Variants in SCAPER observed in about 807,000 individuals in gnomAD.
The protein encoded by SCAPER is S phase cyclin A-associated protein in the endoplasmic reticulum.
In SCAPER, 98 loss-of-function variants were observed where a neutral mutation model predicts 182.2. The ratio of observed to expected loss-of-function variants is 0.54; its 90% CI spans 0.46 to 0.64. The LOEUF (loss-of-function observed/expected upper bound fraction) is 0.64, where lower values mean the gene tolerates loss of function less well. Among genes scored for constraint, SCAPER ranks in the 30% least tolerant of loss-of-function variants. The pLI is 0.00. For missense variants in SCAPER, 1,432 were observed against 1,690.0 expected, an observed-to-expected ratio of 0.85 and a Z score of 2.68; for synonymous variants, 605 against 564.6, an observed-to-expected ratio of 1.07 and a Z score of -1.01.
At chr15:76,765,494 G>C (rs1354719206) in intron 12 of SCAPER, 40 bp from the exon 13 acceptor site, 22 of 1,608,118 alleles carry the variant, frequency 1.4e-5, no homozygotes, top group Non-Finnish European at 1.9e-5. Context: ...AGCCACATAG[G>C]TCTATAAAAC....
chr15:76,788,637 T>C (rs1364861693), intron 8 of SCAPER, among the ~76,000 whole-genome samples: 1 of 152,196 alleles, frequency 6.6e-6, no homozygotes, highest in Non-Finnish European at 1.5e-5. Context: ...TTAAAATAAA[T>C]ATTATCAGAC....
chr15:76,682,699 G>A (rs1203206225), intron 20 of SCAPER, among the ~76,000 whole-genome samples: 1 of 152,094 alleles, frequency 6.6e-6, no homozygotes, highest in Non-Finnish European at 1.5e-5. Flanking sequence ...AGCCCCTCCA[G>A]GAAAGCAGGT....
chr15:76,631,224 G>A (rs1188317816), intron 21 of SCAPER, among the ~76,000 whole-genome samples: 1 of 152,168 alleles, frequency 6.6e-6, no homozygotes, highest in Non-Finnish European at 1.5e-5. Context: ...GCACACTGAT[G>A]GATCTTGACT....
At chr15:76,443,898 G>A (rs2047800929) in intron 25 of SCAPER, among the ~76,000 whole-genome samples, 1 of 152,212 alleles carries the variant, frequency 6.6e-6, no homozygotes, top group Admixed American at 6.5e-5. Flanking sequence ...ACCAAGAGGT[G>A]GAAATAGCCC....
chr15:76,872,316 A>T (rs2072784777), intron 2 of SCAPER, among the ~76,000 whole-genome samples: 1 of 152,168 alleles, frequency 6.6e-6, no homozygotes, highest in Non-Finnish European at 1.5e-5. Flanking sequence ...AAAACTGACA[A>T]AAGATAGCAG....
chr15:76,583,134 C>T (rs1025784473), intron 22 of SCAPER, among the ~76,000 whole-genome samples: 10 of 151,938 alleles, frequency 6.6e-5, no homozygotes, highest in African/African-American at 2.4e-4. Context: ...GGGCGGATCA[C>T]GAGGTCAGGA....
chr15:76,369,369 C>G (rs772280561), intron 29 of SCAPER, among the ~76,000 whole-genome samples: 58 of 152,298 alleles, frequency 3.8e-4, no homozygotes, highest in Non-Finnish European at 5.9e-4. Context: ...CTGTGAATTT[C>G]CTCTGATTTA....
intron 22 of SCAPER, among the ~76,000 whole-genome samples, chr15:76,603,363 A>C (rs1185236162): frequency 8.2e-6 from 1 of 121,376 alleles, no homozygotes; most frequent in East Asian, 2.2e-4. Context: ...ACATGAACTC[A>C]TCATTTTTTA....
chr15:76,573,871 T>C (rs943155252), intron 23 of SCAPER, among the ~76,000 whole-genome samples: 1 of 152,146 alleles, frequency 6.6e-6, no homozygotes, highest in African/African-American at 2.4e-5. Flanking sequence ...CATACATCTT[T>C]ATTATTGTGA....
At position 76,422,698 on chromosome 15, in the gene SCAPER, C is replaced by A. The variant is rs148902560; in HGVS notation, c.3311+11380G>T. Among the ~76,000 whole-genome samples, 911 of 152,002 alleles carry A rather than the reference C, an allele frequency of 6.0e-3. 4 individuals are homozygous for A. Among genetic ancestry groups the A allele is most frequent in the African/African-American group, 0.021 (876 of 41,440 alleles). ...AGAGGGGGCATCCCTGTCTTGTGCC[C>A]GTTTTCAAAGGGAATGCTTCCAGCT... On this transcript the variant is annotated intron_variant, in intron 26 of 31. Transcript: ENST00000563290.
At chr15:76,613,606 C>A (rs180887587) in intron 22 of SCAPER, among the ~76,000 whole-genome samples, 9 of 152,212 alleles carry the variant, frequency 5.9e-5, no homozygotes, top group African/African-American at 2.2e-4. Flanking sequence ...AGGATATGAA[C>A]AGACACTTTT....
chr15:76,782,747 A>G (rs529105806), intron 8 of SCAPER, among the ~76,000 whole-genome samples: 1 of 152,296 alleles, frequency 6.6e-6, no homozygotes, highest in East Asian at 1.9e-4. Context: ...CCTCACAACT[A>G]CATGGAAACA....
chr15:76,714,327 A>G (rs1487462664), intron 17 of SCAPER, among the ~76,000 whole-genome samples: 2 of 152,198 alleles, frequency 1.3e-5, no homozygotes, highest in Non-Finnish European at 1.5e-5. Context: ...ATACCACAAT[A>G]AAGTTGTGAA....
At chr15:76,444,890 CCATT>C (rs2047885971) in intron 25 of SCAPER, among the ~76,000 whole-genome samples, 1 of 152,146 alleles carries the variant, frequency 6.6e-6, no homozygotes, top group South Asian at 2.1e-4. Flanking sequence ...TCCTTTCTCC[CCATT>C]CAGTCATTGG....
intron 25 of SCAPER, among the ~76,000 whole-genome samples, chr15:76,454,321 G>A (rs2048572754): frequency 6.6e-6 from 1 of 152,140 alleles, no homozygotes; most frequent in South Asian, 2.1e-4. Context: ...TTGACCGCTT[G>A]TTTGAGCTAT....
intron 22 of SCAPER, among the ~76,000 whole-genome samples, chr15:76,612,683 A>G (rs968194542): frequency 6.6e-6 from 1 of 152,220 alleles, no homozygotes; most frequent in African/African-American, 2.4e-5. Flanking sequence ...TGCCACAAAA[A>G]GAATAAAATA....
intron 23 of SCAPER, among the ~76,000 whole-genome samples, chr15:76,520,966 T>C (rs2042790874): frequency 6.6e-6 from 1 of 152,152 alleles, no homozygotes; most frequent in Admixed American, 6.5e-5. Flanking sequence ...AGACAGATGA[T>C]AGCACTACAG....
intron 1 of SCAPER, among the ~76,000 whole-genome samples, chr15:76,887,685 A>T (rs2073920947): frequency 6.6e-6 from 1 of 152,224 alleles, no homozygotes. Context: ...ACAGCTCAGC[A>T]AGGCCTACTT....
intron 5 of SCAPER, among the ~76,000 whole-genome samples, chr15:76,815,519 T>C (rs1272931419): frequency 6.6e-6 from 1 of 152,190 alleles, no homozygotes. Context: ...TACAAAAACC[T>C]GGATGGTACA....
Sources: allele counts gnomAD v4.1 joint callset (sites outside exome capture counted in the v4.1 genomes callset), GRCh38; gene constraint gnomAD v4.1.1; transcripts MANE v1.5; gene names NCBI Gene and HGNC (gene_info 2026-07-23, HGNC 2026-07-21).